HDAC9: variants seen among roughly 807,000 people sequenced by gnomAD.
The protein encoded by HDAC9 is histone deacetylase 9.
Under a neutral mutation model 139.4 loss-of-function variants are expected in HDAC9, and 41 were observed. The ratio of observed to expected loss-of-function variants is 0.29; its 90% CI spans 0.23 to 0.38. HDAC9 has a LOEUF of 0.38. HDAC9 is among the 10% of genes least tolerant of loss of function. HDAC9 has a pLI of 1.00. For synonymous variants in HDAC9, 517 were observed against 476.2 expected (o/e 1.09, Z -1.12); for missense variants, 1,147 against 1,297.0 (o/e 0.88, Z 1.78).
intron 12 of HDAC9, among the ~76,000 whole-genome samples, chr7:18,684,301 T>C (rs1184868354): frequency 1.3e-5 from 2 of 149,496 alleles, no homozygotes; most frequent in Non-Finnish European, 3.0e-5. Flanking sequence ...CAGAAAACAA[T>C]ATTTGATCCA....
chr7:18,525,432 TACTGTGTGAG>T (rs1806511408), intron 2 of HDAC9, among the ~76,000 whole-genome samples: 2 of 152,164 alleles, frequency 1.3e-5, no homozygotes, highest in South Asian at 4.1e-4. Flanking sequence ...TCTTTAAAAT[TACTGTGTGAG>T]TATTCTTAAA....
chr7:18,925,838 C>CA (rs1405792693), intron 22 of HDAC9, among the ~76,000 whole-genome samples: 4 of 151,552 alleles, frequency 2.6e-5, no homozygotes, highest in African/African-American at 9.7e-5. Flanking sequence ...AAACATTGTT[C>CA]AAAAAGGATA....
At chr7:18,556,406 GA>G (rs1437962422) in intron 2 of HDAC9, among the ~76,000 whole-genome samples, 8 of 152,150 alleles carry the variant, frequency 5.3e-5, no homozygotes, top group African/African-American at 1.7e-4. Flanking sequence ...TCAGAAATAA[GA>G]AATGTAGTAG....
chr7:18,753,229 T>C (rs1788600588), intron 14 of HDAC9, among the ~76,000 whole-genome samples: 1 of 152,224 alleles, frequency 6.6e-6, no homozygotes, highest in South Asian at 2.1e-4. Context: ...TTTTGAGTCA[T>C]TCATTTTATA....
At position 18,732,374 on chromosome 7, in the gene HDAC9, TAATAG is replaced by T. The variant is rs1786138144; in HGVS notation, c.1909+4622_1909+4626del. Among the ~76,000 whole-genome samples, 3 of 151,784 alleles carry T rather than the reference TAATAG, an allele frequency of 2.0e-5. No homozygotes were observed. The South Asian group carries it at 6.2e-4, about 31-fold the overall frequency. On this transcript the variant is annotated intron_variant, in intron 13 of 25. Coordinates refer to ENST00000686413, the MANE Select transcript of HDAC9 (RefSeq NM_178425.4). ...ACTTTTTACTCTATAAGCTTCTCTT[TAATAG>T]AATAAAGAAAAGTGATTTGTATTTG...
At chr7:18,327,489 A>C (rs1203695239) in intron 1 of HDAC9, 1 of 151,908 alleles carries the variant, frequency 6.6e-6, no homozygotes, top group East Asian at 1.9e-4. Flanking sequence ...TGAAAAGCCA[A>C]AACATGGAAT....
chr7:18,985,377 T>C (rs1785260440), intron 25 of HDAC9, among the ~76,000 whole-genome samples: 1 of 152,238 alleles, frequency 6.6e-6, no homozygotes, highest in African/African-American at 2.4e-5. Context: ...ATTTCATCCA[T>C]GTCCATACAA....
At chr7:18,505,214 T>TACAC (rs954724166) in intron 2 of HDAC9, among the ~76,000 whole-genome samples, 1 of 152,218 alleles carries the variant, frequency 6.6e-6, no homozygotes, top group Non-Finnish European at 1.5e-5. Context: ...GTGTTCATGA[T>TACAC]ACACAGATCA....
At chr7:18,691,046 A>T (rs1782637917) in intron 12 of HDAC9, among the ~76,000 whole-genome samples, 1 of 152,030 alleles carries the variant, frequency 6.6e-6, no homozygotes, top group South Asian at 2.1e-4. Context: ...CTGTCTTGGA[A>T]AATTCTGAGC....
intron 17 of HDAC9, among the ~76,000 whole-genome samples, chr7:18,828,363 G>C (rs2129205256): frequency 6.6e-6 from 1 of 152,288 alleles, no homozygotes; most frequent in East Asian, 1.9e-4. Flanking sequence ...CAACTTTTCT[G>C]AGCATGCTGG....
intron 8 of HDAC9, among the ~76,000 whole-genome samples, chr7:18,644,349 T>C (rs1786674372): frequency 6.6e-6 from 1 of 152,118 alleles, no homozygotes; most frequent in Non-Finnish European, 1.5e-5. Context: ...GAAGTAGACA[T>C]ACTAATCAGA....
At chr7:18,769,113 C>G (rs966444474) in intron 16 of HDAC9, among the ~76,000 whole-genome samples, 1 of 152,154 alleles carries the variant, frequency 6.6e-6, no homozygotes, top group African/African-American at 2.4e-5. Flanking sequence ...CAAAGAGCAT[C>G]TGTATATTTA....
chr7:18,165,823 A>C (rs146489851), intron 2 of HDAC9, among the ~76,000 whole-genome samples: 88 of 151,836 alleles, frequency 5.8e-4, no homozygotes, highest in African/African-American at 1.6e-3. Flanking sequence ...AGAAAGAAAG[A>C]AAGCTAACAC....
At chr7:18,233,227 G>T (rs1021394513) in intron 2 of HDAC9, among the ~76,000 whole-genome samples, 9 of 152,062 alleles carry the variant, frequency 5.9e-5, no homozygotes, top group African/African-American at 1.9e-4. Flanking sequence ...AATTTGAGAT[G>T]AAATTCTAAT....
intron 2 of HDAC9, among the ~76,000 whole-genome samples, chr7:18,526,418 T>C (rs1343396330): frequency 1.3e-5 from 2 of 152,188 alleles, no homozygotes; most frequent in Non-Finnish European, 2.9e-5. Context: ...GAAACTTTTG[T>C]TGTAGATATT....
At chr7:18,986,577 C>G (rs938195162) in intron 25 of HDAC9, among the ~76,000 whole-genome samples, 10 of 141,426 alleles carry the variant, frequency 7.1e-5, no homozygotes, top group African/African-American at 2.3e-4. Context: ...TCCATATGAA[C>G]TTTAAAGTAT....
At chr7:18,521,888 G>C (rs1200012481) in intron 2 of HDAC9, among the ~76,000 whole-genome samples, 1 of 152,126 alleles carries the variant, frequency 6.6e-6, no homozygotes, top group Non-Finnish European at 1.5e-5. Flanking sequence ...TTTTACACGA[G>C]GTTTAGATTT....
At chr7:18,396,915 T>G (rs938267007) in intron 1 of HDAC9, among the ~76,000 whole-genome samples, 11 of 152,092 alleles carry the variant, frequency 7.2e-5, no homozygotes, top group Non-Finnish European at 1.5e-5. Context: ...ACTTGTTTGT[T>G]TGTTCATTTC....
At chr7:18,536,126 C>T (rs1810822922) in intron 2 of HDAC9, among the ~76,000 whole-genome samples, 1 of 152,208 alleles carries the variant, frequency 6.6e-6, no homozygotes, top group Non-Finnish European at 1.5e-5. Context: ...ATTAATGCCA[C>T]CAGGAAGCAG....
Sources: allele counts gnomAD v4.1 joint callset (sites outside exome capture counted in the v4.1 genomes callset), GRCh38; gene constraint gnomAD v4.1.1; transcripts MANE v1.5; gene names NCBI Gene and HGNC (gene_info 2026-07-23, HGNC 2026-07-21).